PRICKLE1: variants seen among roughly 807,000 people sequenced by gnomAD.
PRICKLE1 encodes prickle planar cell polarity protein 1.
PRICKLE1 carries 14 observed loss-of-function variants against 70.2 expected under a neutral mutation model. The observed-to-expected ratio is 0.20, with a 90% CI of 0.13 to 0.31. The LOEUF is 0.31. Ranked by LOEUF, PRICKLE1 falls within the 10% of genes least tolerant of loss-of-function variation. PRICKLE1 has a pLI of 1.00. For missense variants in PRICKLE1, 821 were observed against 1,026.2 expected (o/e 0.80, Z 2.73); for synonymous variants, 357 against 379.9 (o/e 0.94, Z 0.70).
At chr12:42,529,765 G>C (rs1410873964) in intron 1 of PRICKLE1, among the ~76,000 whole-genome samples, 1 of 151,956 alleles carries the variant, frequency 6.6e-6, no homozygotes, top group Non-Finnish European at 1.5e-5. Context: ...GTATGGTTGC[G>C]CATGCCTATA....
At position 42,517,306 on chromosome 12, in the gene PRICKLE1, A is replaced by ATTTTT. The variant is rs71794718; in HGVS notation, c.-48-44747_-48-44743dup. Among the ~76,000 whole-genome samples, 499 of 88,926 alleles carry ATTTTT rather than the reference A, an allele frequency of 5.6e-3. 45 individuals carry two copies. Among genetic ancestry groups the ATTTTT allele is most frequent in the South Asian group, 9.3e-3 (23 of 2,484 alleles). The allele number at this position is 88,926 out of a possible 152,430, so 58.3% of individuals were successfully genotyped here. On this transcript the variant is annotated intron_variant, in intron 1 of 7. Transcript: ENST00000345127. The stretch of plus-strand genomic sequence containing the variant: ...ACTAAATGTGTGTACTCAGTCTGCC[A>ATTTTT]TTTTTTTTTTTTTTTTTTTTTTTTG...
chr12:42,481,345 T>C (rs1290709917), intron 1 of PRICKLE1, among the ~76,000 whole-genome samples: 10 of 152,190 alleles, frequency 6.6e-5, no homozygotes, highest in Admixed American at 6.5e-4. Flanking sequence ...TACATTTTTT[T>C]CTCCAATGCA....
chr12:42,474,266 C>T (rs928821102), intron 1 of PRICKLE1, among the ~76,000 whole-genome samples: 7 of 151,912 alleles, frequency 4.6e-5, no homozygotes, highest in African/African-American at 1.2e-4. Flanking sequence ...AGCGAGACTC[C>T]GTCTCGAAAA....
rs1566074950 is a variant in PRICKLE1, at chr12:42,459,770, T to C, written c.*39A>G. 2 of 1,612,780 alleles carry C rather than the reference T, an allele frequency of 1.2e-6. No homozygotes were observed. Among genetic ancestry groups the C allele is most frequent in the Admixed American group, 1.7e-5 (1 of 60,000 alleles). ...AAAAGGAAACGATTCAGACGGTTAATGGCTAAGTTTTAAACAAATGCTCTG... is the reference window on the plus strand; with the variant it reads ...AAAAGGAAACGATTCAGACGGTTAACGGCTAAGTTTTAAACAAATGCTCTG... On this transcript the variant is annotated 3_prime_UTR_variant, in exon 8 of 8. Coordinates refer to ENST00000345127, the MANE Select transcript of PRICKLE1 (RefSeq NM_153026.3).
Position 42,515,284 on chromosome 12 carries a change from G to A in PRICKLE1, c.-48-42720C>T, listed in dbSNP as rs532470384. ...GATGGAATTTCGCTCTTATTGCCCA[G>A]GCTGGAGTGCAATGGTGCCATCCTG... On this transcript the variant is annotated intron_variant, in intron 1 of 7. Transcript: ENST00000345127. 1.3e-5 allele frequency among the ~76,000 whole-genome samples: 2 copies of A among 149,024 alleles called. 1 individual carries two copies. The highest frequency in any genetic ancestry group is 4.2e-4 in the South Asian group (2 of 4,724).
rs143947284 is a variant in PRICKLE1, at chr12:42,460,327, C to T, written c.1978G>A (p.Val660Ile). ...PPMSERTRRR[V>I]YNFEERGSRS... ...GATCCCCTCTCTTCAAAATTGTAGA[C>T]GCGTCTCCGAGTCCTTTCACTCATC... Residue 660 changes from valine to isoleucine, a missense_variant, in exon 8 of 8, where the codon GTC (valine) becomes ATC (isoleucine). By Grantham distance (29) the Val-to-Ile change is conservative (BLOSUM62 3). Coordinates refer to ENST00000345127, the MANE Select transcript of PRICKLE1 (RefSeq NM_153026.3). 21 of 1,614,146 alleles carry T rather than the reference C, an allele frequency of 1.3e-5. No homozygotes were observed. Among genetic ancestry groups the T allele is most frequent in the Middle Eastern group, 1.7e-4 (1 of 6,060 alleles).
At chr12:42,476,930 G>A (rs1019882540) in intron 1 of PRICKLE1, among the ~76,000 whole-genome samples, 1 of 152,198 alleles carries the variant, frequency 6.6e-6, no homozygotes, top group East Asian at 1.9e-4. Flanking sequence ...GATTACAGGC[G>A]TGAGCCATGG....
chr12:42,519,990 G>A (rs12822031), intron 1 of PRICKLE1, among the ~76,000 whole-genome samples: 69,910 of 151,940 alleles, frequency 0.46, 16,481 homozygotes, highest in East Asian at 0.72. Flanking sequence ...GTGTTTTAAC[G>A]GTAGCCCAGG....
intron 1 of PRICKLE1, among the ~76,000 whole-genome samples, chr12:42,519,516 G>C (rs976356683): frequency 6.6e-6 from 1 of 152,090 alleles, no homozygotes; most frequent in Non-Finnish European, 1.5e-5. Flanking sequence ...TTCAGCACCA[G>C]CTTTAGACTT....
At chr12:42,514,008 C>T (rs547730659) in intron 1 of PRICKLE1, among the ~76,000 whole-genome samples, 1 of 152,038 alleles carries the variant, frequency 6.6e-6, no homozygotes, top group South Asian at 2.1e-4. Context: ...CAAAAAACAA[C>T]AACAAAAAAG....
intron 1 of PRICKLE1, among the ~76,000 whole-genome samples, chr12:42,548,634 A>G (rs1940253077): frequency 6.6e-6 from 1 of 152,218 alleles, no homozygotes; most frequent in South Asian, 2.1e-4. Flanking sequence ...CACTTTCAGA[A>G]GGTACAGTCA....
At chr12:42,475,402 C>A (rs1484109954) in intron 1 of PRICKLE1, among the ~76,000 whole-genome samples, 1 of 152,190 alleles carries the variant, frequency 6.6e-6, no homozygotes, top group Admixed American at 6.6e-5. Flanking sequence ...GATGGGGAAA[C>A]TGGGCCTCAG....
chr12:42,561,905 C>CTTTTTTTTTTTTTTTTTTTTTT (rs60450733), intron 1 of PRICKLE1, among the ~76,000 whole-genome samples: 2 of 87,252 alleles, frequency 2.3e-5, no homozygotes, highest in Non-Finnish European at 2.2e-5. Flanking sequence ...TTTTTCTTTT[C>CTTTTTTTTTTTTTTTTTTTTTT]TTTTTTTTTT....
intron 1 of PRICKLE1, among the ~76,000 whole-genome samples, chr12:42,561,905 CTTTTTTTTT>C (rs60450733): frequency 3.4e-5 from 3 of 87,228 alleles, no homozygotes; most frequent in African/African-American, 8.5e-5. Flanking sequence ...TTTTTCTTTT[CTTTTTTTTT>C]TTTTTTTTTT....
intron 1 of PRICKLE1, among the ~76,000 whole-genome samples, chr12:42,568,717 T>G (rs1438138335): frequency 6.6e-6 from 1 of 152,060 alleles, no homozygotes; most frequent in Non-Finnish European, 1.5e-5. Context: ...ATTTAGGGGG[T>G]ACAGGTGCAG....
At chr12:42,479,413 G>A (rs1253033500) in intron 1 of PRICKLE1, among the ~76,000 whole-genome samples, 1 of 152,166 alleles carries the variant, frequency 6.6e-6, no homozygotes, top group Non-Finnish European at 1.5e-5. Context: ...GCACACATTC[G>A]CACACAGCAT....
chr12:42,488,088 G>T (rs1305486395), intron 1 of PRICKLE1, among the ~76,000 whole-genome samples: 1 of 152,040 alleles, frequency 6.6e-6, no homozygotes. Flanking sequence ...TATAGAAACA[G>T]AAGTGTCACT....
At chr12:42,467,748 A>G (rs988043505) in intron 5 of PRICKLE1, among the ~76,000 whole-genome samples, 3 of 152,258 alleles carry the variant, frequency 2.0e-5, no homozygotes, top group Non-Finnish European at 4.4e-5. Flanking sequence ...TCCATCCCAA[A>G]AAAATAAATC....
intron 1 of PRICKLE1, among the ~76,000 whole-genome samples, chr12:42,523,188 C>T (rs981016394): frequency 6.6e-6 from 1 of 152,114 alleles, no homozygotes; most frequent in Non-Finnish European, 1.5e-5. Context: ...AGGATGGTCT[C>T]GAACTCCTGA....
Sources: gnomAD v4.1 joint callset for allele counts (sites outside exome capture counted in the v4.1 genomes callset) on GRCh38, gnomAD v4.1.1 for gene constraint, MANE v1.5 for transcripts, NCBI Gene and HGNC (gene_info 2026-07-23, HGNC 2026-07-21) for gene names.